Variants in MTHFD2L observed in about 807,000 individuals in gnomAD.
MTHFD2L encodes bifunctional methylenetetrahydrofolate dehydrogenase/cyclohydrolase 2, mitochondrial.
In MTHFD2L, 29 loss-of-function variants were observed where a neutral mutation model predicts 34.9. The ratio of observed to expected loss-of-function variants is 0.83; its 90% confidence interval spans 0.62 to 1.13. MTHFD2L has a LOEUF of 1.13. Ranked by LOEUF, MTHFD2L falls within the 50% of genes most tolerant of loss-of-function variation. The probability of loss-of-function intolerance (pLI) is 0.00; values close to 1 mark genes in which losing one functional copy is unlikely to be tolerated. For missense variants in MTHFD2L, 481 were observed against 446.5 expected (o/e 1.08, Z -0.70); for synonymous variants, 167 against 155.7 (o/e 1.07, Z -0.54).
At chr4:74,188,260 C>T (rs1007851232) in intron 3 of MTHFD2L, among the ~76,000 whole-genome samples, 6 of 152,194 alleles carry the variant, frequency 3.9e-5, no homozygotes, top group African/African-American at 1.4e-4. Flanking sequence ...TGTATTTTCT[C>T]ACAGTCTGGA....
intron 6 of MTHFD2L, among the ~76,000 whole-genome samples, chr4:74,277,532 T>A (rs1239971571): frequency 6.6e-6 from 1 of 152,004 alleles, no homozygotes; most frequent in African/African-American, 2.4e-5. Flanking sequence ...TGGGGATTTG[T>A]CCTCCTACAA....
intron 6 of MTHFD2L, among the ~76,000 whole-genome samples, chr4:74,250,931 T>A (rs563014147): frequency 9.2e-5 from 14 of 152,292 alleles, no homozygotes; most frequent in African/African-American, 2.4e-4. Flanking sequence ...TGTGGCAAAA[T>A]GGGAAAAATG....
intron 3 of MTHFD2L, among the ~76,000 whole-genome samples, chr4:74,186,570 A>G (rs902205880): frequency 1.3e-5 from 2 of 152,040 alleles, no homozygotes; most frequent in Non-Finnish European, 2.9e-5. Context: ...AATTTTAAAT[A>G]TACATTTATA....
chr4:74,175,323 A>C lies in MTHFD2L; in HGVS notation c.371A>C (p.Gln124Pro). 2 of 1,613,242 alleles carry C rather than the reference A, an allele frequency of 1.2e-6. No homozygotes were observed. Among genetic ancestry groups the C allele is most frequent in the South Asian group, 1.1e-5 (1 of 91,020 alleles). The change falls in exon 3 of 8, where the codon CAG becomes CCG. Residue 124 changes from glutamine (Q) to proline (P), a missense_variant. Coordinates refer to ENST00000325278, the MANE Select transcript of MTHFD2L (RefSeq NM_001144978.3). Reference sequence around the variant, plus strand: ...ATTCTAAAACCTAAGGATGTTTCTCAGGAAGAACTTTTGGACGTAACTGAT... The same window carrying C: ...ATTCTAAAACCTAAGGATGTTTCTCCGGAAGAACTTTTGGACGTAACTGAT... ...ELILKPKDVS[Q>P]EELLDVTDQL...
intron 2 of MTHFD2L, among the ~76,000 whole-genome samples, chr4:74,114,941 A>G (rs1363379207): frequency 1.3e-5 from 2 of 152,206 alleles, no homozygotes; most frequent in Non-Finnish European, 1.5e-5. Flanking sequence ...ACTGGGACTC[A>G]GAGAAGTTGT....
intron 7 of MTHFD2L, among the ~76,000 whole-genome samples, chr4:74,286,198 C>G (rs910730272): frequency 3.9e-5 from 6 of 152,136 alleles, no homozygotes; most frequent in African/African-American, 1.4e-4. Context: ...CATACTTCCT[C>G]CCTCCTAACT....
At chr4:74,247,691 G>C (rs1314238112) in intron 6 of MTHFD2L, among the ~76,000 whole-genome samples, 3 of 152,106 alleles carry the variant, frequency 2.0e-5, no homozygotes, top group South Asian at 2.1e-4. Flanking sequence ...TAGCATGAAG[G>C]GATGTTGAAT....
intron 5 of MTHFD2L, among the ~76,000 whole-genome samples, chr4:74,216,737 C>A (rs1737274987): frequency 6.6e-6 from 1 of 151,722 alleles, no homozygotes; most frequent in Non-Finnish European, 1.5e-5. Context: ...CAATCCTTGA[C>A]TTCTCTCTTT....
intron 1 of MTHFD2L, among the ~76,000 whole-genome samples, chr4:74,159,903 G>A (rs1250265750): frequency 1.3e-5 from 2 of 152,064 alleles, no homozygotes; most frequent in Non-Finnish European, 2.9e-5. Context: ...TTAAGATAAG[G>A]CGGGGGTTTT....
intron 1 of MTHFD2L, among the ~76,000 whole-genome samples, chr4:74,143,839 T>A (rs1231738380): frequency 2.0e-5 from 3 of 152,074 alleles, no homozygotes; most frequent in African/African-American, 7.2e-5. Context: ...AAGCATTATG[T>A]TCAGATAGGA....
chr4:74,266,228 TA>T (rs77549408), intron 6 of MTHFD2L, among the ~76,000 whole-genome samples: 2,819 of 152,260 alleles, frequency 0.019, 58 homozygotes, highest in South Asian at 0.066. Flanking sequence ...CAAGACATGG[TA>T]GGGGCATTTA....
chr4:74,125,426 T>C (rs1232695392), upstream of MTHFD2L: 1 of 152,142 alleles, frequency 6.6e-6, no homozygotes, highest in Non-Finnish European at 1.5e-5. Flanking sequence ...TAAGTAGTCT[T>C]TTTCACTCTT....
upstream of MTHFD2L, among the ~76,000 whole-genome samples, chr4:74,153,543 A>G (rs912813680): frequency 3.3e-5 from 5 of 152,208 alleles, no homozygotes; most frequent in Non-Finnish European, 7.4e-5. Context: ...AAGGAATTCA[A>G]TATTTGTTGA....
At chr4:74,194,693 G>A (rs1261627545) in intron 3 of MTHFD2L, 1 of 152,170 alleles carries the variant, frequency 6.6e-6, no homozygotes. Context: ...ACAAGTAGAG[G>A]TGTAAACCAA....
At chr4:74,269,257 G>T (rs955066925) in intron 6 of MTHFD2L, among the ~76,000 whole-genome samples, 5 of 152,070 alleles carry the variant, frequency 3.3e-5, no homozygotes, top group African/African-American at 9.7e-5. Context: ...GGATTAATTA[G>T]CTTGGGGGGA....
rs1406682745 is a variant in MTHFD2L, at chr4:74,143,910, G to GT, written c.-296-16143dup. Among the ~76,000 whole-genome samples, 21 of 152,278 alleles carry GT rather than the reference G, an allele frequency of 1.4e-4. No individual in the cohort carries two copies. The South Asian group carries it at 1.7e-3, about 12-fold the overall frequency. On this transcript the variant is annotated intron_variant, in intron 1 of 7. Coordinates refer to the MTHFD2L transcript ENST00000433372. ...TTCTAGTATGTAATTTCAGCACCAA[G>GT]TTAGAAGCTGTGCCTAGAATTTTGT...
chr4:74,177,346 T>C (rs778094779), intron 3 of MTHFD2L, among the ~76,000 whole-genome samples: 12 of 152,030 alleles, frequency 7.9e-5, no homozygotes, highest in Non-Finnish European at 1.8e-4. Context: ...TCTTATAGTT[T>C]GCAGTTTTTG....
chr4:74,255,798 G>A (rs916932703), intron 6 of MTHFD2L, among the ~76,000 whole-genome samples: 6 of 152,116 alleles, frequency 3.9e-5, no homozygotes, highest in African/African-American at 1.2e-4. Context: ...ATGGCCTAAA[G>A]CTCTATCCAT....
At chr4:74,155,162 C>G (rs1014356092), upstream of MTHFD2L, among the ~76,000 whole-genome samples, 2 of 152,120 alleles carry the variant, frequency 1.3e-5, no homozygotes. Context: ...AGATTTTTAA[C>G]CTTGCAATTC....
Sources: gnomAD v4.1 joint callset for allele counts (sites outside exome capture counted in the v4.1 genomes callset) on GRCh38, gnomAD v4.1.1 for gene constraint, MANE v1.5 for transcripts, NCBI Gene and HGNC (gene_info 2026-07-23, HGNC 2026-07-21) for gene names.